The following PLCB1 variants were observed in gnomAD, a reference collection of about 807,000 sequenced individuals.
PLCB1 encodes 1-phosphatidylinositol 4,5-bisphosphate phosphodiesterase beta-1.
Under a neutral mutation model 161.8 loss-of-function variants are expected in PLCB1, and 46 were observed. The observed-to-expected ratio is 0.28, with a 90% confidence interval of 0.22 to 0.36. The LOEUF is 0.36. Among genes scored for constraint, PLCB1 ranks in the 10% least tolerant of loss-of-function variants. The pLI, the probability that PLCB1 is intolerant of heterozygous loss-of-function variation, is 1.00. For synonymous variants in PLCB1, 517 were observed against 503.7 expected (o/e 1.03, Z -0.35); for missense variants, 1,016 against 1,472.5 (o/e 0.69, Z 5.07).
chr20:8,139,675 A>G (rs1344626182), intron 1 of PLCB1, among the ~76,000 whole-genome samples: 2 of 152,232 alleles, frequency 1.3e-5, no homozygotes, highest in African/African-American at 4.8e-5. Context: ...AAGCCATACA[A>G]GCTCATGAAG....
chr20:8,776,356 C>T (rs1253963459), intron 27 of PLCB1, among the ~76,000 whole-genome samples: 1 of 152,152 alleles, frequency 6.6e-6, no homozygotes, highest in Non-Finnish European at 1.5e-5. Context: ...GGTTCTAGAG[C>T]CCCTGGTTTA....
chr20:8,480,996 G>A (rs556786877), intron 3 of PLCB1, among the ~76,000 whole-genome samples: 1 of 151,976 alleles, frequency 6.6e-6, no homozygotes, highest in African/African-American at 2.4e-5. Context: ...CCCACGTACT[G>A]GGGAGGCTGG....
chr20:8,669,068 A>G (rs1420384752), intron 9 of PLCB1, among the ~76,000 whole-genome samples: 1 of 152,230 alleles, frequency 6.6e-6, no homozygotes, highest in Non-Finnish European at 1.5e-5. Context: ...GCTCTCAAGG[A>G]GCCTATAATT....
At chr20:8,791,961 T>C (rs1291266917) in intron 31 of PLCB1, 2 of 152,222 alleles carry the variant, frequency 1.3e-5, no homozygotes, top group Non-Finnish European at 2.9e-5. Context: ...TCAACAGTTA[T>C]AGTATTTAGT....
chr20:8,438,138 C>T (rs925447787), intron 3 of PLCB1, among the ~76,000 whole-genome samples: 1 of 151,502 alleles, frequency 6.6e-6, no homozygotes, highest in Admixed American at 6.6e-5. Context: ...TTTATTTTTG[C>T]TAGTTAAGCA....
intron 1 of PLCB1, among the ~76,000 whole-genome samples, chr20:8,138,964 TTGAG>T (rs1432724588): frequency 6.9e-6 from 1 of 144,364 alleles, no homozygotes; most frequent in Admixed American, 7.1e-5. Context: ...TTATTATAAA[TTGAG>T]TAACAAACTA....
At chr20:8,275,250 A>AGTGTGTGTGT (rs3031931) in intron 2 of PLCB1, among the ~76,000 whole-genome samples, 5,656 of 145,370 alleles carry the variant, frequency 0.039, 163 homozygotes, top group African/African-American at 0.07. Flanking sequence ...CATCAGCGTG[A>AGTGTGTGTGT]GTGTGTGTGT....
intron 4 of PLCB1, among the ~76,000 whole-genome samples, chr20:8,644,177 T>C (rs1342058357): frequency 6.6e-6 from 1 of 152,106 alleles, no homozygotes; most frequent in African/African-American, 2.4e-5. Flanking sequence ...TGCCTTGGCC[T>C]CCCAAAGTGC....
intron 27 of PLCB1, among the ~76,000 whole-genome samples, chr20:8,786,524 C>A (rs541326172): frequency 2.0e-5 from 3 of 152,114 alleles, no homozygotes; most frequent in African/African-American, 7.2e-5. Flanking sequence ...AGCCATGGAA[C>A]CTTATTTGTC....
At chr20:8,707,797 G>A (rs1359244757) in intron 11 of PLCB1, among the ~76,000 whole-genome samples, 1 of 152,122 alleles carries the variant, frequency 6.6e-6, no homozygotes, top group Non-Finnish European at 1.5e-5. Context: ...CTAGAATTTT[G>A]TACATATATT....
intron 2 of PLCB1, among the ~76,000 whole-genome samples, chr20:8,258,124 A>AT (rs559957089): frequency 1.1e-3 from 162 of 152,258 alleles, no homozygotes; most frequent in Non-Finnish European, 1.2e-3. Flanking sequence ...GTATGGCATG[A>AT]TTTTTTTAAA....
chr20:8,405,774 T>G (rs1192532106), intron 3 of PLCB1, among the ~76,000 whole-genome samples: 1 of 152,136 alleles, frequency 6.6e-6, no homozygotes, highest in African/African-American at 2.4e-5. Flanking sequence ...TCTAAATACA[T>G]TATATTGAAA....
chr20:8,172,167 A>T (rs1190909991), intron 2 of PLCB1, among the ~76,000 whole-genome samples: 2 of 152,198 alleles, frequency 1.3e-5, no homozygotes, highest in Non-Finnish European at 2.9e-5. Flanking sequence ...TGTGTCAGAT[A>T]TATTATAGAT....
intron 23 of PLCB1, among the ~76,000 whole-genome samples, chr20:8,755,298 GTTA>G (rs1981683503): frequency 6.6e-6 from 1 of 152,156 alleles, no homozygotes; most frequent in South Asian, 2.1e-4. Flanking sequence ...TTATAAGAAA[GTTA>G]TTATAGGTCA....
chr20:8,231,349 T>A (rs1427268912), intron 2 of PLCB1, among the ~76,000 whole-genome samples: 1 of 152,182 alleles, frequency 6.6e-6, no homozygotes, highest in Non-Finnish European at 1.5e-5. Context: ...ACTCACTGGA[T>A]GTCAGTAACC....
At chr20:8,863,182 G>A (rs1987313784) in intron 31 of PLCB1, among the ~76,000 whole-genome samples, 1 of 152,102 alleles carries the variant, frequency 6.6e-6, no homozygotes, top group Admixed American at 6.6e-5. Context: ...CTATAAACTG[G>A]GCACTAACAA....
intron 9 of PLCB1, among the ~76,000 whole-genome samples, chr20:8,671,772 T>C (rs1252115984): frequency 6.6e-6 from 1 of 152,124 alleles, no homozygotes; most frequent in African/African-American, 2.4e-5. Flanking sequence ...AGGCCAGTGT[T>C]AGGAAAGTTA....
chr20:8,163,955 A>T (rs970761098), intron 2 of PLCB1, among the ~76,000 whole-genome samples: 1 of 152,216 alleles, frequency 6.6e-6, no homozygotes, highest in Non-Finnish European at 1.5e-5. Context: ...GTGCTGTGGC[A>T]TAAAGACTAG....
At chr20:8,331,450 G>C (rs1449372751) in intron 2 of PLCB1, among the ~76,000 whole-genome samples, 12 of 152,154 alleles carry the variant, frequency 7.9e-5, no homozygotes, top group Admixed American at 7.9e-4. Flanking sequence ...TCTGCTGAAG[G>C]CAAAGCCTTT....
Sources: gnomAD v4.1 joint callset for allele counts (sites outside exome capture counted in the v4.1 genomes callset) on GRCh38, gnomAD v4.1.1 for gene constraint, MANE v1.5 for transcripts, NCBI Gene and HGNC (gene_info 2026-07-23, HGNC 2026-07-21) for gene names.